MAGI2: variants seen among roughly 807,000 people sequenced by gnomAD.
The protein encoded by MAGI2 is membrane-associated guanylate kinase, WW and PDZ domain-containing protein 2.
In MAGI2, 35 loss-of-function variants were observed where a neutral mutation model predicts 133.3. That is an observed-to-expected ratio of 0.26 (90% confidence interval 0.20 to 0.35). The LOEUF (loss-of-function observed/expected upper bound fraction) is 0.35. MAGI2 is among the 10% of genes least tolerant of loss of function. MAGI2 has a pLI of 1.00. For synonymous variants in MAGI2, 729 were observed against 710.6 expected (o/e 1.03, Z -0.41); for missense variants, 1,636 against 1,863.4 (o/e 0.88, Z 2.25).
intron 6 of MAGI2, among the ~76,000 whole-genome samples, chr7:78,386,006 G>A (rs1795354915): frequency 6.6e-6 from 1 of 151,700 alleles, no homozygotes; most frequent in African/African-American, 2.4e-5. Context: ...TCCCCCCCTA[G>A]CTCAAACAGT....
At chr7:79,189,306 T>C (rs1294876936) in intron 1 of MAGI2, among the ~76,000 whole-genome samples, 1 of 128,718 alleles carries the variant, frequency 7.8e-6, no homozygotes, top group African/African-American at 3.6e-5. Context: ...TTGCCATTTT[T>C]ATAGGCAAAA....
At chr7:78,442,624 A>G (rs760652559) in intron 6 of MAGI2, among the ~76,000 whole-genome samples, 51 of 152,192 alleles carry the variant, frequency 3.4e-4, no homozygotes, top group Non-Finnish European at 5.7e-4. Flanking sequence ...AATATGATGC[A>G]GTGTAACTTG....
At chr7:78,527,894 G>A (rs1209526412) in intron 3 of MAGI2, among the ~76,000 whole-genome samples, 1 of 152,196 alleles carries the variant, frequency 6.6e-6, no homozygotes, top group South Asian at 2.1e-4. Flanking sequence ...GCTCCCAAGT[G>A]GAGATGGGTT....
At chr7:78,879,468 T>C (rs868059016) in intron 2 of MAGI2, among the ~76,000 whole-genome samples, 2 of 151,898 alleles carry the variant, frequency 1.3e-5, no homozygotes, top group African/African-American at 4.8e-5. Context: ...GCATAGGCTA[T>C]AGAAGCAAAA....
intron 1 of MAGI2, among the ~76,000 whole-genome samples, chr7:79,159,743 C>T (rs1256401262): frequency 3.3e-5 from 5 of 151,956 alleles, no homozygotes; most frequent in African/African-American, 1.2e-4. Flanking sequence ...TGTTCTTTCT[C>T]TTTCGAAAAG....
intron 2 of MAGI2, among the ~76,000 whole-genome samples, chr7:78,947,524 A>G (rs1801518427): frequency 6.6e-6 from 1 of 152,184 alleles, no homozygotes; most frequent in Admixed American, 6.6e-5. Context: ...TTAAGTATTT[A>G]CATATTCAGT....
chr7:79,224,209 G>A (rs1042762460), intron 1 of MAGI2, among the ~76,000 whole-genome samples: 7 of 152,048 alleles, frequency 4.6e-5, no homozygotes, highest in African/African-American at 1.5e-4. Context: ...CCTCCAACCC[G>A]TTTAGGTTCC....
At chr7:79,218,661 G>T (rs1830216435) in intron 1 of MAGI2, among the ~76,000 whole-genome samples, 1 of 151,962 alleles carries the variant, frequency 6.6e-6, no homozygotes, top group Admixed American at 6.6e-5. Flanking sequence ...ATACTGCATT[G>T]TAAGATGCTA....
At chr7:79,230,144 G>A (rs1345156236) in intron 1 of MAGI2, among the ~76,000 whole-genome samples, 2 of 151,366 alleles carry the variant, frequency 1.3e-5, no homozygotes, top group Non-Finnish European at 2.9e-5. Flanking sequence ...TGGCTGCATA[G>A]CATTCCATGG....
intron 7 of MAGI2, among the ~76,000 whole-genome samples, chr7:78,362,792 A>C (rs1176333394): frequency 6.6e-6 from 1 of 152,206 alleles, no homozygotes; most frequent in African/African-American, 2.4e-5. Context: ...ATAGAGGAAA[A>C]TATGTTGTAA....
At chr7:78,769,116 A>T (rs1240178649) in intron 2 of MAGI2, among the ~76,000 whole-genome samples, 1 of 152,204 alleles carries the variant, frequency 6.6e-6, no homozygotes, top group East Asian at 1.9e-4. Flanking sequence ...AGTACAGGAC[A>T]GTAGTACATT....
At chr7:78,624,608 G>A (rs547434769) in intron 3 of MAGI2, among the ~76,000 whole-genome samples, 200 of 152,150 alleles carry the variant, frequency 1.3e-3, no homozygotes, top group Admixed American at 2.3e-3. Context: ...AGAACACATG[G>A]ACATAGGGGA....
chr7:78,363,430 C>T (rs1284498994), intron 7 of MAGI2, among the ~76,000 whole-genome samples: 3 of 151,778 alleles, frequency 2.0e-5, no homozygotes, highest in African/African-American at 7.3e-5. Flanking sequence ...GAGGCGGAGC[C>T]TGTGGTGAGC....
intron 2 of MAGI2, among the ~76,000 whole-genome samples, chr7:78,955,688 C>T (rs910675748): frequency 8.0e-6 from 1 of 125,392 alleles, no homozygotes; most frequent in Non-Finnish European, 1.7e-5. Context: ...TCCCTCCCTC[C>T]CTTTCTCTCT....
Position 78,620,067 on chromosome 7 carries a change from T to C in MAGI2, c.538+7053A>G, listed in dbSNP as rs16886222. Among the ~76,000 whole-genome samples the C allele has an allele frequency of 7.9e-3, 1,207 of 152,028 alleles. 17 individuals carry two copies. Among genetic ancestry groups the C allele is most frequent in the African/African-American group, 0.027 (1,133 of 41,504 alleles). On this transcript the variant is annotated intron_variant, in intron 3 of 21. Transcript: ENST00000354212. ...AGGTTATTACTTACACAGTAAAAATTTCCTCTTGTAATAGTGTGCAAAGGG... is the reference window on the plus strand; with the variant it reads ...AGGTTATTACTTACACAGTAAAAATCTCCTCTTGTAATAGTGTGCAAAGGG...
At chr7:79,443,290 G>A (rs1479304122) in intron 1 of MAGI2, among the ~76,000 whole-genome samples, 131 of 137,874 alleles carry the variant, frequency 9.5e-4, no homozygotes, top group East Asian at 2.0e-3. Flanking sequence ...GTGTGCGTGT[G>A]TGTGTGTGTG....
intron 2 of MAGI2, among the ~76,000 whole-genome samples, chr7:78,986,508 T>C (rs1430270490): frequency 6.6e-6 from 1 of 151,922 alleles, no homozygotes; most frequent in East Asian, 1.9e-4. Flanking sequence ...TCCAATCTAG[T>C]AGCTTAGAGC....
intron 7 of MAGI2, among the ~76,000 whole-genome samples, chr7:78,346,461 T>A (rs1364390837): frequency 1.3e-5 from 2 of 152,146 alleles, no homozygotes; most frequent in Non-Finnish European, 2.9e-5. Flanking sequence ...AAATGTGAGG[T>A]AAATTCATTG....
chr7:78,527,601 G>C (rs1229548493), intron 3 of MAGI2, among the ~76,000 whole-genome samples: 1 of 152,068 alleles, frequency 6.6e-6, no homozygotes, highest in Non-Finnish European at 1.5e-5. Context: ...TTAAATTCCA[G>C]TATTATGACA....
Sources: gnomAD v4.1 joint callset for allele counts (sites outside exome capture counted in the v4.1 genomes callset) on GRCh38, gnomAD v4.1.1 for gene constraint, MANE v1.5 for transcripts, NCBI Gene and HGNC (gene_info 2026-07-23, HGNC 2026-07-21) for gene names.